Variants in SPATA18 observed in about 807,000 individuals in gnomAD.
The protein encoded by SPATA18 is spermatogenesis associated 18.
In SPATA18, 54 loss-of-function variants were observed where a neutral mutation model predicts 68.1. The observed-to-expected ratio is 0.79, with a 90% CI of 0.64 to 0.99. The LOEUF is 0.99. Ranked by LOEUF, SPATA18 falls within the 50% of genes least tolerant of loss-of-function variation. The pLI is 0.00. For missense variants in SPATA18, 724 were observed against 681.1 expected (o/e 1.06, Z -0.70); for synonymous variants, 242 against 244.8 (o/e 0.99, Z 0.11).
intron 10 of SPATA18, among the ~76,000 whole-genome samples, chr4:52,084,062 A>G (rs917744492): frequency 6.6e-6 from 1 of 151,984 alleles, no homozygotes. Context: ...AAAAAAAAAA[A>G]AAAGATATTG....
chr4:52,051,475 C>T lies in SPATA18; in HGVS notation c.-230C>T. 1.8e-6 allele frequency: 1 copy of T among 542,628 alleles called. No individual in the cohort carries two copies. Among genetic ancestry groups the T allele is most frequent in the East Asian group, 2.9e-5 (1 of 34,410 alleles). The allele number at this position is 542,628 out of a possible 1,614,324, so 33.6% of individuals were successfully genotyped here. ...CGGCTGCTGGGGAGCCAGGAGACCG[C>T]GCGGGACGGCGGATGAGGCGCGGCG... is the stretch of plus-strand genomic sequence containing the variant. On this transcript the variant is annotated 5_prime_UTR_variant, in exon 1 of 13. Coordinates refer to ENST00000295213, the MANE Select transcript of SPATA18 (RefSeq NM_145263.4).
chr4:52,056,181 T>G (rs1738325952), intron 1 of SPATA18, among the ~76,000 whole-genome samples: 1 of 152,088 alleles, frequency 6.6e-6, no homozygotes, highest in African/African-American at 2.4e-5. Flanking sequence ...GGTAATCTCA[T>G]CTGTGCATGT....
intron 11 of SPATA18, among the ~76,000 whole-genome samples, chr4:52,087,680 G>A (rs1392897617): frequency 6.6e-6 from 1 of 152,118 alleles, no homozygotes; most frequent in African/African-American, 2.4e-5. Flanking sequence ...TAGCCTTGTA[G>A]TATAGTTTGA....
intron 11 of SPATA18, among the ~76,000 whole-genome samples, chr4:52,090,820 T>C (rs1225695738): frequency 6.6e-6 from 1 of 152,180 alleles, no homozygotes; most frequent in Non-Finnish European, 1.5e-5. Context: ...TTCCTGAATT[T>C]GGATCTTGGC....
At chr4:52,061,305 C>A (rs957851168) in intron 3 of SPATA18, among the ~76,000 whole-genome samples, 1 of 151,888 alleles carries the variant, frequency 6.6e-6, no homozygotes, top group Non-Finnish European at 1.5e-5. Context: ...GGGAACAACA[C>A]AGCAGGGCCT....
At chr4:52,071,258 C>T (rs1390248958) in intron 5 of SPATA18, among the ~76,000 whole-genome samples, 2 of 152,190 alleles carry the variant, frequency 1.3e-5, no homozygotes, top group East Asian at 3.8e-4. Context: ...GTAGCATCTT[C>T]TCTTCTCCTG....
At position 52,096,474 on chromosome 4, in the gene SPATA18, T is replaced by C. The variant is rs1742431371; in HGVS notation, c.*1587T>C. On this transcript the variant is annotated 3_prime_UTR_variant, in exon 13 of 13. Transcript: ENST00000295213. ...AATATGAAATGAAAATTAAAGTTAA[T>C]ATAATCATCTATGTGCATGTATAAT... 1 of 152,152 alleles carries C rather than the reference T, an allele frequency of 6.6e-6. No homozygotes were observed. Among genetic ancestry groups the C allele is most frequent in the African/African-American group, 2.4e-5 (1 of 41,434 alleles). 9.4% of individuals were successfully genotyped at this position (152,152 alleles called of 1,614,324 possible).
intron 12 of SPATA18, 129 bp from the exon 13 acceptor site, chr4:52,094,751 T>A (rs1742288421): frequency 1.5e-6 from 2 of 1,371,762 alleles, no homozygotes; most frequent in Non-Finnish European, 2.1e-6. Context: ...ATGGGTCATG[T>A]AGAAGGAGCT....
intron 9 of SPATA18, among the ~76,000 whole-genome samples, chr4:52,080,557 T>A (rs1740834889): frequency 6.6e-6 from 1 of 152,154 alleles, no homozygotes; most frequent in Non-Finnish European, 1.5e-5. Flanking sequence ...TAGCTGGAGA[T>A]TATCTGGGAA....
intron 4 of SPATA18, 68 bp from the exon 5 acceptor site, chr4:52,069,753 C>A: frequency 8.3e-7 from 1 of 1,201,686 alleles, no homozygotes; most frequent in Non-Finnish European, 1.2e-6. Context: ...CTAAGTGAGC[C>A]TCTGCCTTGA....
chr4:52,056,219 G>A (rs1560579841), intron 1 of SPATA18, among the ~76,000 whole-genome samples: 1 of 152,068 alleles, frequency 6.6e-6, no homozygotes, highest in Non-Finnish European at 1.5e-5. Flanking sequence ...ACTTGCTGAA[G>A]CCTCCCAAAG....
intron 9 of SPATA18, among the ~76,000 whole-genome samples, chr4:52,080,369 A>G (rs1407567333): frequency 1.3e-5 from 2 of 152,196 alleles, no homozygotes; most frequent in Non-Finnish European, 2.9e-5. Flanking sequence ...TCTGCAATTT[A>G]ACAAGCACCC....
chr4:52,089,374 G>A (rs573265934), intron 11 of SPATA18, among the ~76,000 whole-genome samples: 2 of 152,290 alleles, frequency 1.3e-5, no homozygotes, highest in East Asian at 1.9e-4. Flanking sequence ...TAATTTTGAT[G>A]TTAGGGTGTC....
chr4:52,067,361 T>C (rs1739400317), intron 4 of SPATA18, among the ~76,000 whole-genome samples: 1 of 152,210 alleles, frequency 6.6e-6, no homozygotes, highest in Non-Finnish European at 1.5e-5. Flanking sequence ...TGTTTTTTTC[T>C]TTTAAGTTTG....
At position 52,060,907 on chromosome 4, in the gene SPATA18, C is replaced by A. The variant is rs12649207; in HGVS notation, c.309+10C>A. 6.2e-7 allele frequency: 1 copy of A among 1,601,236 alleles called. No homozygotes were observed. Among genetic ancestry groups the A allele is most frequent in the Non-Finnish European group, 8.6e-7 (1 of 1,168,638 alleles). On this transcript the variant is annotated intron_variant, in intron 3 of 12. Transcript: ENST00000295213. ...GGTCCCCTCTCTGCAGGTAGGGATG[C>A]TGAAGGATAACCCTTGACTTTCTGA...
intron 9 of SPATA18, among the ~76,000 whole-genome samples, chr4:52,081,862 T>C (rs1295955054): frequency 6.6e-6 from 1 of 152,182 alleles, no homozygotes; most frequent in Non-Finnish European, 1.5e-5. Context: ...TCTTTGAGCA[T>C]GTTTTCTATA....
rs374685702 is a variant in SPATA18 at position 52,066,524 on chromosome 4, G to A, written c.423-3297G>A. Among the ~76,000 whole-genome samples, 327 of 152,206 alleles carry A rather than the reference G, an allele frequency of 2.1e-3. 1 individual carries two copies. Among genetic ancestry groups the A allele is most frequent in the Middle Eastern group, 0.017 (5 of 294 alleles). ...AATATTATATTTTATTTTAAGTTCC[G>A]GGATACACGTGCAGGATGTGCAGGT... On this transcript the variant is annotated intron_variant, in intron 4 of 12. Transcript: ENST00000295213.
chr4:52,081,029 T>A (rs562990867), intron 9 of SPATA18, among the ~76,000 whole-genome samples: 2 of 152,364 alleles, frequency 1.3e-5, no homozygotes, highest in East Asian at 3.9e-4. Flanking sequence ...TTCTCCAACA[T>A]GGATCAACTC....
Position 52,069,823 on chromosome 4 carries a change from TG to T in SPATA18, c.427del (p.Val143LeufsTer25). 1 of 1,570,400 alleles carries T rather than the reference TG, an allele frequency of 6.4e-7. No individual in the cohort carries two copies. Among genetic ancestry groups the T allele is most frequent in the South Asian group, 1.2e-5 (1 of 83,740 alleles). On this transcript the variant is annotated frameshift_variant, in exon 5 of 13. Transcript: ENST00000295213. LOFTEE classifies it high-confidence loss of function. ...RSQCNQVQDDLVETEKNLEES... is the reference protein window; with the variant it reads ...RSQCNQVQDDXVETEKNLEES... ...TTAGTTACTGATTTATCTTACAGTC[TG>T]GTTGAAACTGAAAAGAATCTTGAAG...
Sources: allele counts gnomAD v4.1 joint callset (sites outside exome capture counted in the v4.1 genomes callset), GRCh38; gene constraint gnomAD v4.1.1; transcripts MANE v1.5; gene names NCBI Gene and HGNC (gene_info 2026-07-23, HGNC 2026-07-21).